Variants in NFU1 observed in about 807,000 individuals in gnomAD.
NFU1 encodes the protein NFU1 iron-sulfur cluster scaffold, also known as NFU1 iron-sulfur cluster scaffold homolog, mitochondrial.
A neutral mutation model predicts 32.2 loss-of-function variants in NFU1; 30 were observed. The ratio of observed to expected loss-of-function variants is 0.93; its 90% confidence interval spans 0.70 to 1.26. The LOEUF (loss-of-function observed/expected upper bound fraction) is 1.26. NFU1 is among the 50% of genes most tolerant of loss of function. NFU1 has a pLI of 0.00. For synonymous variants in NFU1, 112 were observed against 104.6 expected (o/e 1.07, Z -0.43); for missense variants, 306 against 306.6 (o/e 1.00, Z 0.02).
At chr2:69,428,358 G>A (rs1358701809) in intron 2 of NFU1, among the ~76,000 whole-genome samples, 3 of 151,924 alleles carry the variant, frequency 2.0e-5, no homozygotes, top group Non-Finnish European at 4.4e-5. Flanking sequence ...CCAGGAGAGG[G>A]AGGTTGCAGT....
At chr2:69,404,996 C>T (rs553223648) in intron 6 of NFU1, among the ~76,000 whole-genome samples, 1 of 151,908 alleles carries the variant, frequency 6.6e-6, no homozygotes, top group South Asian at 2.1e-4. Context: ...TGTCTGTAAT[C>T]CCAGCACTTT....
intron 2 of NFU1, among the ~76,000 whole-genome samples, chr2:69,424,198 A>AAATATATATATATATAT (rs1558840147): frequency 2.7e-5 from 2 of 74,544 alleles, no homozygotes; most frequent in Admixed American, 2.1e-4. Context: ...AAAAAAAAAA[A>AAATATATATATATATAT]ATATATATAT....
intron 1 of NFU1, among the ~76,000 whole-genome samples, chr2:69,434,551 G>A: frequency 6.6e-6 from 1 of 152,204 alleles, no homozygotes. Context: ...GGAAAAGGAA[G>A]TAAAAGGAGA....
At chr2:69,423,442 T>C (rs1260254915) in intron 3 of NFU1, 140 bp downstream of exon 3, 7 of 743,670 alleles carry the variant, frequency 9.4e-6, no homozygotes, top group South Asian at 2.0e-5. Flanking sequence ...TAATCTCTCA[T>C]CTGAAAAGAA....
chr2:69,421,389 G>A (rs1673235248), intron 3 of NFU1, among the ~76,000 whole-genome samples: 2 of 151,842 alleles, frequency 1.3e-5, no homozygotes, highest in African/African-American at 4.8e-5. Context: ...ATGGCTGTAC[G>A]TATAGAAATA....
intron 2 of NFU1, among the ~76,000 whole-genome samples, chr2:69,426,658 GAT>G (rs1673464942): frequency 6.6e-6 from 1 of 152,156 alleles, no homozygotes; most frequent in East Asian, 1.9e-4. Flanking sequence ...GCAATAAAGA[GAT>G]AACACAATCT....
At chr2:69,406,185 C>T in intron 5 of NFU1, 103 bp from the exon 6 acceptor site, 1 of 716,256 alleles carries the variant, frequency 1.4e-6, no homozygotes, top group Non-Finnish European at 2.5e-6. Flanking sequence ...TCATTAAAAA[C>T]ATAAAACTAT....
chr2:69,396,412 A>T, intron 7 of NFU1, 122 bp from the exon 8 acceptor site: 3 of 672,224 alleles, frequency 4.5e-6, no homozygotes, highest in Non-Finnish European at 7.7e-6. Flanking sequence ...CAAGCCAGTA[A>T]GAATAAATCT....
chr2:69,395,843 T>G (rs1672316392), downstream of NFU1: 1 of 161,014 alleles, frequency 6.2e-6, no homozygotes, highest in African/African-American at 2.4e-5. Context: ...TGTTTAGCTG[T>G]TTCTTAAGCT....
intron 5 of NFU1, among the ~76,000 whole-genome samples, chr2:69,412,768 G>A (rs1672928353): frequency 6.6e-6 from 1 of 151,142 alleles, no homozygotes; most frequent in Non-Finnish European, 1.5e-5. Context: ...AGAGGCAGGA[G>A]GATTGCTTAA....
chr2:69,404,525 A>T (rs1418638933), intron 6 of NFU1, among the ~76,000 whole-genome samples: 2 of 151,606 alleles, frequency 1.3e-5, no homozygotes, highest in Non-Finnish European at 2.9e-5. Flanking sequence ...GGAATGGCTA[A>T]ATCAAGCTAA....
chr2:69,432,782 C>CCAT (rs1673687197), intron 1 of NFU1, among the ~76,000 whole-genome samples: 1 of 151,548 alleles, frequency 6.6e-6, no homozygotes, highest in Non-Finnish European at 1.5e-5. Flanking sequence ...CTGTCCCTTA[C>CCAT]GTTTCCCTCT....
At chr2:69,430,633 T>C (rs928783395) in intron 2 of NFU1, among the ~76,000 whole-genome samples, 1 of 152,226 alleles carries the variant, frequency 6.6e-6, no homozygotes, top group Non-Finnish European at 1.5e-5. Context: ...ATGGGTTTCC[T>C]ATTTGAAAAG....
intron 7 of NFU1, among the ~76,000 whole-genome samples, chr2:69,399,939 C>T (rs1460498052): frequency 1.3e-5 from 2 of 151,212 alleles, no homozygotes; most frequent in African/African-American, 4.9e-5. Flanking sequence ...ATGGCGCGAT[C>T]TCGGCTCACC....
intron 7 of NFU1, among the ~76,000 whole-genome samples, chr2:69,398,269 C>T (rs1439506030): frequency 2.6e-5 from 4 of 152,132 alleles, no homozygotes; most frequent in African/African-American, 4.8e-5. Flanking sequence ...AAAACAGATA[C>T]AGAAAGCTAC....
rs189726208 is a variant in NFU1 at position 69,403,661 on chromosome 2, G to C, written c.545+2361C>G. On this transcript the variant is annotated intron_variant, in intron 6 of 7. Transcript: ENST00000410022. ...AGCCTCCCAAAGTGCTGGAATTATA[G>C]GTGTGAGCACCGTGCCCACCATCTC... is the stretch of plus-strand genomic sequence containing the variant. Among the ~76,000 whole-genome samples the C allele has an allele frequency of 8.1e-4, 123 of 152,062 alleles. 3 individuals are homozygous for C. The highest frequency in any genetic ancestry group is 3.5e-4 in the Non-Finnish European group (24 of 67,970).
intron 7 of NFU1, among the ~76,000 whole-genome samples, chr2:69,399,985 G>A (rs1005729578): frequency 6.6e-6 from 1 of 151,810 alleles, no homozygotes; most frequent in Non-Finnish European, 1.5e-5. Context: ...CAATTCTCCT[G>A]CCTCAGCCTC....
chr2:69,409,657 G>T (rs1214164443), intron 5 of NFU1, among the ~76,000 whole-genome samples: 5 of 152,178 alleles, frequency 3.3e-5, no homozygotes, highest in Non-Finnish European at 5.9e-5. Context: ...AAGAAGAAGG[G>T]GAGCTGGCCC....
intron 2 of NFU1, among the ~76,000 whole-genome samples, chr2:69,425,713 T>C (rs771660441): frequency 1.3e-5 from 2 of 151,860 alleles, no homozygotes; most frequent in Non-Finnish European, 1.5e-5. Context: ...CTCAAACTCC[T>C]TGCCTCGAGT....
Sources: gnomAD v4.1 joint callset for allele counts (sites outside exome capture counted in the v4.1 genomes callset) on GRCh38, gnomAD v4.1.1 for gene constraint, MANE v1.5 for transcripts, NCBI Gene and HGNC (gene_info 2026-07-23, HGNC 2026-07-21) for gene names.